The following SLC27A2 variants were observed in gnomAD, a reference collection of about 807,000 sequenced individuals.
SLC27A2 encodes the protein solute carrier family 27 member 2.
SLC27A2 carries 54 observed loss-of-function variants against 60.0 expected under a neutral mutation model. The ratio of observed to expected loss-of-function variants is 0.90; its 90% CI spans 0.72 to 1.13. The LOEUF (loss-of-function observed/expected upper bound fraction) is 1.13. Among genes scored for constraint, SLC27A2 ranks in the 50% most tolerant of loss-of-function variants. The pLI, the probability that SLC27A2 is intolerant of heterozygous loss-of-function variation, is 0.00. For missense variants in SLC27A2, 739 were observed against 777.6 expected (o/e 0.95, Z 0.59); for synonymous variants, 297 against 297.6 (o/e 1.00, Z 0.02).
At chr15:50,210,404 C>G (rs1355492836) in intron 4 of SLC27A2, among the ~76,000 whole-genome samples, 1 of 152,128 alleles carries the variant, frequency 6.6e-6, no homozygotes, top group Non-Finnish European at 1.5e-5. Context: ...TAGAACTTCC[C>G]GACTTTACCT....
At chr15:50,194,411 T>C (rs1567427775) in intron 1 of SLC27A2, among the ~76,000 whole-genome samples, 1 of 151,896 alleles carries the variant, frequency 6.6e-6, no homozygotes, top group Non-Finnish European at 1.5e-5. Flanking sequence ...TTTCCATAGA[T>C]CAATGTGGTT....
chr15:50,216,393 G>A (rs975392058), intron 4 of SLC27A2, among the ~76,000 whole-genome samples: 1 of 151,922 alleles, frequency 6.6e-6, no homozygotes, highest in African/African-American at 2.4e-5. Context: ...ATGGAAAACA[G>A]CGTGGAGATT....
intron 2 of SLC27A2, among the ~76,000 whole-genome samples, chr15:50,199,909 G>C (rs1440612891): frequency 6.6e-6 from 1 of 152,188 alleles, no homozygotes; most frequent in East Asian, 1.9e-4. Context: ...GACAGAGCAA[G>C]GCACTGTCTG....
intron 4 of SLC27A2, among the ~76,000 whole-genome samples, chr15:50,207,051 T>C (rs138383036): frequency 2.0e-4 from 30 of 152,278 alleles, no homozygotes; most frequent in East Asian, 1.9e-4. Flanking sequence ...CAGAAATCCA[T>C]ATGGGACCCT....
At chr15:50,212,103 A>T (rs577600948) in intron 4 of SLC27A2, among the ~76,000 whole-genome samples, 2 of 151,730 alleles carry the variant, frequency 1.3e-5, no homozygotes, top group East Asian at 3.9e-4. Flanking sequence ...AAATGAAAAA[A>T]ACAAGCAAAA....
intron 4 of SLC27A2, among the ~76,000 whole-genome samples, chr15:50,215,810 CT>C (rs1486014747): frequency 3.3e-5 from 5 of 152,166 alleles, no homozygotes; most frequent in African/African-American, 9.7e-5. Context: ...CAAAACTCAA[CT>C]CAAGATGGAT....
At chr15:50,190,494 G>A (rs2044964488) in intron 1 of SLC27A2, among the ~76,000 whole-genome samples, 1 of 152,130 alleles carries the variant, frequency 6.6e-6, no homozygotes, top group Non-Finnish European at 1.5e-5. Context: ...CTATTGGAAA[G>A]CTGCAGGTTT....
At chr15:50,206,061 C>T (rs2045109457) in intron 4 of SLC27A2, among the ~76,000 whole-genome samples, 1 of 152,162 alleles carries the variant, frequency 6.6e-6, no homozygotes, top group African/African-American at 2.4e-5. Context: ...TGCCCAGTCC[C>T]TCAACTCTCA....
intron 1 of SLC27A2, among the ~76,000 whole-genome samples, chr15:50,193,364 G>C (rs567886766): frequency 1.3e-4 from 20 of 152,162 alleles, no homozygotes; most frequent in African/African-American, 4.3e-4. Context: ...CAGGGAGAGC[G>C]TTTTGCTCAC....
At chr15:50,207,177 A>C (rs902324682) in intron 4 of SLC27A2, among the ~76,000 whole-genome samples, 5 of 152,132 alleles carry the variant, frequency 3.3e-5, no homozygotes, top group African/African-American at 9.7e-5. Flanking sequence ...GACTGGACGA[A>C]AATAAATATG....
chr15:50,202,432 C>T (rs2045072089), intron 2 of SLC27A2, 55 bp from the exon 3 acceptor site: 2 of 1,574,446 alleles, frequency 1.3e-6, no homozygotes, highest in African/African-American at 2.7e-5. Context: ...CTCTCTCCTA[C>T]ACTGTAAATG....
chr15:50,228,840 G>A lies in SLC27A2; in HGVS notation c.1458-105G>A, dbSNP rs938601111. 7.9e-5 allele frequency: 61 copies of A among 767,424 alleles called. No individual in the cohort carries two copies. In the South Asian group the frequency reaches 8.9e-4, roughly 11 times the overall value. 47.5% of individuals were successfully genotyped at this position (767,424 alleles called of 1,614,324 possible). A position where few individuals can be genotyped will look rare whatever the true frequency, so the allele number is the denominator to read the frequency against. On this transcript the variant is annotated intron_variant, in intron 7 of 9. Transcript: ENST00000267842. Reference sequence around the variant, plus strand: ...TTTGAGGGGCCAAGATGAGGAACACGAGATCAGGATCATGCAGAAATCTAA... The same window carrying A: ...TTTGAGGGGCCAAGATGAGGAACACAAGATCAGGATCATGCAGAAATCTAA...
chr15:50,204,319 T>A (rs1427774958), intron 3 of SLC27A2, among the ~76,000 whole-genome samples: 1 of 151,716 alleles, frequency 6.6e-6, no homozygotes, highest in Non-Finnish European at 1.5e-5. Context: ...ATACAAAAAT[T>A]AGCCAGGCAT....
intron 4 of SLC27A2, among the ~76,000 whole-genome samples, chr15:50,214,866 T>G (rs1439526128): frequency 1.3e-5 from 2 of 152,126 alleles, no homozygotes; most frequent in Non-Finnish European, 2.9e-5. Flanking sequence ...TAATACTGAA[T>G]GGGGAAAAGT....
intron 1 of SLC27A2, among the ~76,000 whole-genome samples, chr15:50,189,422 G>T (rs569379138): frequency 1.3e-5 from 2 of 152,214 alleles, no homozygotes; most frequent in East Asian, 3.9e-4. Context: ...CCTGTACAAG[G>T]ACAGAAACCC....
At chr15:50,204,825 ATATG>A (rs1431904465) in intron 3 of SLC27A2, among the ~76,000 whole-genome samples, 1 of 147,638 alleles carries the variant, frequency 6.8e-6, no homozygotes, top group Non-Finnish European at 1.5e-5. Flanking sequence ...TATATAATAT[ATATG>A]TATGTGTGTG....
At chr15:50,204,810 G>GTA (rs957677663) in intron 3 of SLC27A2, among the ~76,000 whole-genome samples, 2 of 145,028 alleles carry the variant, frequency 1.4e-5, no homozygotes, top group South Asian at 4.2e-4. Flanking sequence ...ATGTGTGTGT[G>GTA]TATATATATA....
chr15:50,202,696 C>G (rs572325961), intron 3 of SLC27A2, 51 bp downstream of exon 3: 1 of 1,586,744 alleles, frequency 6.3e-7, no homozygotes, highest in Non-Finnish European at 8.6e-7. Context: ...TACATTTTCC[C>G]AGAAGGAACA....
At chr15:50,210,499 C>T (rs2045146251) in intron 4 of SLC27A2, among the ~76,000 whole-genome samples, 1 of 152,182 alleles carries the variant, frequency 6.6e-6, no homozygotes, top group Non-Finnish European at 1.5e-5. Flanking sequence ...CTCACTGGCT[C>T]CCCTAGCAGC....
Sources: gnomAD v4.1 joint callset for allele counts (sites outside exome capture counted in the v4.1 genomes callset) on GRCh38, gnomAD v4.1.1 for gene constraint, MANE v1.5 for transcripts, NCBI Gene and HGNC (gene_info 2026-07-23, HGNC 2026-07-21) for gene names.